PTPRR: variants seen among roughly 807,000 people sequenced by gnomAD.
PTPRR encodes the protein receptor-type tyrosine-protein phosphatase R.
PTPRR carries 38 observed loss-of-function variants against 77.2 expected under a neutral mutation model. That is an observed-to-expected ratio of 0.49 (90% CI 0.38 to 0.65). The LOEUF is 0.65. PTPRR is among the 30% of genes least tolerant of loss of function. The probability of loss-of-function intolerance (pLI) is 0.00; values close to 1 mark genes in which losing one functional copy is unlikely to be tolerated. For synonymous variants in PTPRR, 299 were observed against 283.1 expected, an observed-to-expected ratio of 1.06 and a Z score of -0.57; for missense variants, 744 against 799.2, an observed-to-expected ratio of 0.93 and a Z score of 0.83.
At chr12:70,660,717 C>T (rs7310004) in intron 12 of PTPRR, among the ~76,000 whole-genome samples, 29,589 of 152,084 alleles carry the variant, frequency 0.19, 4,092 homozygotes, top group African/African-American at 0.4. Flanking sequence ...TGTATTTCGC[C>T]GACTGTGTAA....
At chr12:70,737,377 C>T (rs1345901806) in intron 6 of PTPRR, among the ~76,000 whole-genome samples, 1 of 152,072 alleles carries the variant, frequency 6.6e-6, no homozygotes, top group Admixed American at 6.6e-5. Flanking sequence ...TCAGGCTGTG[C>T]TTTTACAGAA....
At chr12:70,669,385 A>G (rs1887126241) in intron 10 of PTPRR, among the ~76,000 whole-genome samples, 1 of 151,926 alleles carries the variant, frequency 6.6e-6, no homozygotes, top group Non-Finnish European at 1.5e-5. Context: ...GAAACTAAGC[A>G]CTGTGGTTTC....
At chr12:70,694,376 A>G (rs561917099) in intron 8 of PTPRR, among the ~76,000 whole-genome samples, 2 of 152,158 alleles carry the variant, frequency 1.3e-5, no homozygotes, top group Non-Finnish European at 2.9e-5. Flanking sequence ...AGCACTATTC[A>G]CAATAACAAA....
intron 6 of PTPRR, among the ~76,000 whole-genome samples, chr12:70,744,574 C>A (rs1206485887): frequency 1.3e-5 from 2 of 152,162 alleles, no homozygotes; most frequent in African/African-American, 2.4e-5. Flanking sequence ...TATGAAGGAT[C>A]AATTTTGTAT....
At chr12:70,890,866 G>A (rs927001598) in intron 2 of PTPRR, among the ~76,000 whole-genome samples, 3 of 152,040 alleles carry the variant, frequency 2.0e-5, no homozygotes, top group African/African-American at 7.2e-5. Context: ...TCCATTTTCT[G>A]TATGGAATGG....
intron 2 of PTPRR, among the ~76,000 whole-genome samples, chr12:70,880,355 A>C (rs1022215063): frequency 6.6e-6 from 1 of 152,192 alleles, no homozygotes; most frequent in Non-Finnish European, 1.5e-5. Flanking sequence ...ATCCTAACAC[A>C]GTTCTACTGA....
chr12:70,886,232 T>A (rs1209022184), intron 2 of PTPRR, among the ~76,000 whole-genome samples: 1 of 152,242 alleles, frequency 6.6e-6, no homozygotes, highest in Non-Finnish European at 1.5e-5. Flanking sequence ...ACGGAATTTC[T>A]ACTTCAGGAC....
intron 2 of PTPRR, among the ~76,000 whole-genome samples, chr12:70,882,731 C>A (rs1442280762): frequency 1.3e-5 from 2 of 151,922 alleles, no homozygotes; most frequent in East Asian, 3.9e-4. Context: ...TCCAAAGAGG[C>A]TTCATATCCT....
intron 2 of PTPRR, among the ~76,000 whole-genome samples, chr12:70,802,017 T>G (rs1891625460): frequency 6.6e-6 from 1 of 152,158 alleles, no homozygotes; most frequent in African/African-American, 2.4e-5. Context: ...ATTGAGAGAA[T>G]ATTTATTGGA....
intron 6 of PTPRR, among the ~76,000 whole-genome samples, chr12:70,737,241 G>C (rs1390916760): frequency 5.9e-5 from 9 of 152,134 alleles, no homozygotes; most frequent in Non-Finnish European, 8.8e-5. Context: ...CAATCAGGCT[G>C]AGGGTAGATG....
rs769981820 is a variant in PTPRR at position 70,701,254 on chromosome 12, T to C, written c.1077A>G (p.Ile359Met). The change falls in exon 7 of 14, where the codon ATA (isoleucine) becomes ATG (methionine). Residue 359 changes from isoleucine (I) to methionine (M), a missense_variant. Coordinates refer to ENST00000283228, the MANE Select transcript of PTPRR (RefSeq NM_002849.4). The stretch of plus-strand genomic sequence containing the variant: ...TTGCTACCTTCTCCCGTGGTGTTGG[T>C]ATAGACACAAAGGGTTCAATGTTCC... ...SLGNIEPFVS[I>M]PTPREKVAME... is the part of the protein sequence containing the mutation. 6.2e-7 allele frequency: 1 copy of C among 1,613,938 alleles called. No homozygotes were observed. The highest frequency in any genetic ancestry group is 8.5e-7 in the Non-Finnish European group (1 of 1,179,912).
intron 13 of PTPRR, among the ~76,000 whole-genome samples, chr12:70,650,647 T>A (rs1321016679): frequency 1.3e-5 from 2 of 152,096 alleles, no homozygotes; most frequent in Non-Finnish European, 2.9e-5. Flanking sequence ...AGGTGCCTGA[T>A]TCATGCTCAG....
At chr12:70,650,044 A>G (rs2136652197) in intron 13 of PTPRR, among the ~76,000 whole-genome samples, 1 of 152,362 alleles carries the variant, frequency 6.6e-6, no homozygotes, top group East Asian at 1.9e-4. Context: ...ATAAATGTGA[A>G]AGAGTGCTTA....
At chr12:70,710,996 C>G (rs1888806961) in intron 6 of PTPRR, among the ~76,000 whole-genome samples, 2 of 152,090 alleles carry the variant, frequency 1.3e-5, no homozygotes, top group Admixed American at 1.3e-4. Flanking sequence ...GGTGGCAATT[C>G]CTTAAAGACC....
chr12:70,899,216 C>A (rs2137124285), intron 1 of PTPRR, among the ~76,000 whole-genome samples: 1 of 151,308 alleles, frequency 6.6e-6, no homozygotes, highest in East Asian at 1.9e-4. Context: ...CCGAAATCAT[C>A]TGATGAAGCC....
chr12:70,856,469 C>A (rs1892653688), intron 2 of PTPRR, among the ~76,000 whole-genome samples: 1 of 152,086 alleles, frequency 6.6e-6, no homozygotes, highest in African/African-American at 2.4e-5. Context: ...AAAAGTGAGA[C>A]CAGAGGGCAA....
intron 2 of PTPRR, among the ~76,000 whole-genome samples, chr12:70,827,709 C>CA (rs1892137700): frequency 6.3e-5 from 4 of 63,870 alleles, no homozygotes; most frequent in Admixed American, 1.9e-4. Flanking sequence ...CCACACCTGG[C>CA]TTTTTTTTTT....
At chr12:70,710,190 G>T (rs940696746) in intron 6 of PTPRR, among the ~76,000 whole-genome samples, 1 of 151,992 alleles carries the variant, frequency 6.6e-6, no homozygotes, top group African/African-American at 2.4e-5. Context: ...CATAGTACTG[G>T]GACAAAAACA....
intron 10 of PTPRR, among the ~76,000 whole-genome samples, chr12:70,673,739 G>A (rs1019507073): frequency 1.3e-5 from 2 of 152,032 alleles, no homozygotes; most frequent in African/African-American, 4.8e-5. Flanking sequence ...AAGTGGGCAG[G>A]GGTAAGGCAT....
Sources: gnomAD v4.1 joint callset for allele counts (sites outside exome capture counted in the v4.1 genomes callset) on GRCh38, gnomAD v4.1.1 for gene constraint, MANE v1.5 for transcripts, NCBI Gene and HGNC (gene_info 2026-07-23, HGNC 2026-07-21) for gene names.